Variants in SMG6 observed in about 807,000 individuals in gnomAD.
SMG6 encodes SMG6 nonsense mediated mRNA decay factor.
A neutral mutation model predicts 142.2 loss-of-function variants in SMG6; 66 were observed. The observed-to-expected ratio is 0.46, with a 90% CI of 0.38 to 0.57. The LOEUF (loss-of-function observed/expected upper bound fraction) is 0.57, where lower values mean the gene tolerates loss of function less well. Ranked by LOEUF, SMG6 falls within the 20% of genes least tolerant of loss-of-function variation. The pLI is 0.00. For missense variants in SMG6, 1,793 were observed against 1,832.0 expected (o/e 0.98, Z 0.39); for synonymous variants, 779 against 702.4 (o/e 1.11, Z -1.72).
At chr17:2,256,541 C>T (rs1160494755) in intron 8 of SMG6, among the ~76,000 whole-genome samples, 2 of 152,026 alleles carry the variant, frequency 1.3e-5, no homozygotes, top group Non-Finnish European at 1.5e-5. Flanking sequence ...GCGGGTGGAT[C>T]GCTTGAGCTC....
chr17:2,126,939 C>CACACAAAT (rs1567618490), intron 13 of SMG6, among the ~76,000 whole-genome samples: 2 of 151,848 alleles, frequency 1.3e-5, no homozygotes, highest in East Asian at 3.9e-4. Context: ...TGCACACATG[C>CACACAAAT]GCACACATGC....
At chr17:2,098,440 T>C (rs990869163) in intron 13 of SMG6, among the ~76,000 whole-genome samples, 1 of 152,242 alleles carries the variant, frequency 6.6e-6, no homozygotes. Context: ...GAAATCCGAT[T>C]ATTTACCATT....
At chr17:2,186,555 G>T (rs2071992310) in intron 12 of SMG6, 108 bp downstream of exon 12, 6 of 1,257,736 alleles carry the variant, frequency 4.8e-6, no homozygotes, top group Non-Finnish European at 6.6e-6. Context: ...AAATAGAGAG[G>T]CAGGCAGGCT....
chr17:2,121,513 A>C (rs1404763405), intron 13 of SMG6, among the ~76,000 whole-genome samples: 4 of 152,036 alleles, frequency 2.6e-5, no homozygotes, highest in African/African-American at 9.7e-5. Context: ...GGTGGAGATA[A>C]GGGATTATAA....
At chr17:2,172,186 A>G (rs1286723682) in intron 13 of SMG6, among the ~76,000 whole-genome samples, 1 of 152,084 alleles carries the variant, frequency 6.6e-6, no homozygotes, top group Non-Finnish European at 1.5e-5. Flanking sequence ...TATTCCTACA[A>G]GTTTTTTTTT....
Position 2,297,244 on chromosome 17 carries a change from G to T in SMG6, c.2150C>A (p.Thr717Lys). Residue 717 changes from threonine to lysine, a missense_variant and splice_region_variant, in exon 4 of 19, where the codon ACA (threonine) becomes AAA (lysine). Thr to Lys is a moderately conservative substitution (Grantham distance 78). This residue lies in a region of SMG6 where 1,597 missense variants were observed against 1,584.6 expected (regional missense o/e 1.01). Coordinates refer to ENST00000263073, the MANE Select transcript of SMG6 (RefSeq NM_017575.5). ...LAIRSKPLRKTVKYALISAQR... is the reference protein window; with the variant it reads ...LAIRSKPLRKKVKYALISAQR... ...AGATACATAAAGAAGGTAGCTTACT[G>T]TCTTGCGTAATGGCTTGCTGCGAAT... 1 of 1,595,000 alleles carries T rather than the reference G, an allele frequency of 6.3e-7. No homozygotes were observed. Among genetic ancestry groups the T allele is most frequent in the Non-Finnish European group, 8.5e-7 (1 of 1,172,454 alleles).
At chr17:2,223,662 C>T (rs2073239408) in intron 10 of SMG6, among the ~76,000 whole-genome samples, 1 of 152,206 alleles carries the variant, frequency 6.6e-6, no homozygotes, top group African/African-American at 2.4e-5. Context: ...TGGCTCCTAT[C>T]ACTTCAGCTG....
chr17:2,061,697 G>GA, intron 18 of SMG6, 75 bp from the exon 19 acceptor site: 2 of 1,495,768 alleles, frequency 1.3e-6, no homozygotes, highest in Non-Finnish European at 1.8e-6. Flanking sequence ...TCACCCTGGA[G>GA]AATGTGGTCC....
chr17:2,084,028 CGGGACCA>C (rs1477346565), intron 14 of SMG6, among the ~76,000 whole-genome samples: 1 of 152,178 alleles, frequency 6.6e-6, no homozygotes, highest in East Asian at 1.9e-4. Context: ...TACCAAGATC[CGGGACCA>C]GAGAAGTCAT....
intron 18 of SMG6, 183 bp from the exon 19 acceptor site, chr17:2,061,805 G>A: frequency 1.6e-6 from 1 of 631,386 alleles, no homozygotes; most frequent in Non-Finnish European, 2.7e-6. Context: ...TGCTGGCCTA[G>A]AGAGGGCTGC....
At chr17:2,254,952 G>A (rs2074131246) in intron 8 of SMG6, among the ~76,000 whole-genome samples, 1 of 152,196 alleles carries the variant, frequency 6.6e-6, no homozygotes, top group African/African-American at 2.4e-5. Context: ...TGGTTTTGGA[G>A]AGGAGAGGGA....
chr17:2,113,996 G>T (rs999068721), intron 13 of SMG6, among the ~76,000 whole-genome samples: 1 of 152,192 alleles, frequency 6.6e-6, no homozygotes, highest in African/African-American at 2.4e-5. Flanking sequence ...GGCCAGGCAC[G>T]GTGGCTCACG....
chr17:2,138,986 C>G (rs1394053086), intron 13 of SMG6, among the ~76,000 whole-genome samples: 10 of 152,146 alleles, frequency 6.6e-5, no homozygotes, highest in African/African-American at 1.7e-4. Flanking sequence ...TTCTCCATTC[C>G]AAACTGCTGG....
At chr17:2,209,723 A>G (rs927809802) in intron 10 of SMG6, among the ~76,000 whole-genome samples, 1 of 151,778 alleles carries the variant, frequency 6.6e-6, no homozygotes, top group African/African-American at 2.4e-5. Context: ...CTGGTCTCGA[A>G]CTCCTGACCT....
chr17:2,145,829 T>C (rs2070652905), intron 13 of SMG6, among the ~76,000 whole-genome samples: 1 of 152,030 alleles, frequency 6.6e-6, no homozygotes, highest in Admixed American at 6.6e-5. Flanking sequence ...GTAACTGGAA[T>C]AGTTTCTGGA....
At chr17:2,149,210 C>T (rs11650922) in intron 13 of SMG6, among the ~76,000 whole-genome samples, 49,492 of 151,310 alleles carry the variant, frequency 0.33, 9,014 homozygotes, top group Admixed American at 0.42. Flanking sequence ...ATTAGCCGGG[C>T]GTGGTGGCAC....
intron 13 of SMG6, among the ~76,000 whole-genome samples, chr17:2,140,484 G>C (rs1447046398): frequency 2.0e-5 from 3 of 152,082 alleles, no homozygotes; most frequent in African/African-American, 7.2e-5. Context: ...ATCCTGGCTA[G>C]CATGGTGAAA....
intron 12 of SMG6, among the ~76,000 whole-genome samples, chr17:2,184,841 T>C (rs2151683181): frequency 6.7e-6 from 1 of 150,084 alleles, no homozygotes; most frequent in East Asian, 2.0e-4. Flanking sequence ...GGCAGGTGCC[T>C]GTAATCCCAG....
intron 13 of SMG6, among the ~76,000 whole-genome samples, chr17:2,096,514 CTAAT>C (rs2068860085): frequency 6.6e-6 from 1 of 151,980 alleles, no homozygotes; most frequent in Non-Finnish European, 1.5e-5. Context: ...TGGCTAATGG[CTAAT>C]TTTTTTTTTG....
Sources: gnomAD v4.1 joint callset for allele counts (sites outside exome capture counted in the v4.1 genomes callset) on GRCh38, gnomAD v4.1.1 for gene constraint, gnomAD v4.1.1 regional missense constraint, MANE v1.5 for transcripts, NCBI Gene and HGNC (gene_info 2026-07-23, HGNC 2026-07-21) for gene names.